Variants in ZMAT3 observed in about 807,000 individuals in gnomAD.
The protein encoded by ZMAT3 is zinc finger matrin-type protein 3.
A neutral mutation model predicts 32.3 loss-of-function variants in ZMAT3; 17 were observed. The ratio of observed to expected loss-of-function variants is 0.53; its 90% CI spans 0.36 to 0.79. The LOEUF (loss-of-function observed/expected upper bound fraction) is 0.79, where lower values mean the gene tolerates loss of function less well. ZMAT3 is among the 30% of genes least tolerant of loss of function. ZMAT3 has a pLI of 0.00. For missense variants in ZMAT3, 329 were observed against 359.7 expected (o/e 0.91, Z 0.69); for synonymous variants, 120 against 133.1 (o/e 0.90, Z 0.68).
chr3:179,064,264 A>G (rs1247754813), intron 2 of ZMAT3, among the ~76,000 whole-genome samples: 1 of 152,262 alleles, frequency 6.6e-6, no homozygotes, highest in Admixed American at 6.5e-5. Context: ...CATAACTGAA[A>G]TAATGAAGGT....
intron 2 of ZMAT3, among the ~76,000 whole-genome samples, chr3:179,063,795 T>C (rs1425938853): frequency 6.6e-6 from 1 of 152,228 alleles, no homozygotes; most frequent in Non-Finnish European, 1.5e-5. Context: ...GATTTTAAAT[T>C]AAGTTATATC....
At chr3:179,055,057 C>A (rs1243658644) in intron 2 of ZMAT3, among the ~76,000 whole-genome samples, 1 of 152,126 alleles carries the variant, frequency 6.6e-6, no homozygotes, top group Non-Finnish European at 1.5e-5. Flanking sequence ...TTGGAAGTGG[C>A]CCGCCGCCAT....
intron 3 of ZMAT3, among the ~76,000 whole-genome samples, chr3:179,028,452 A>C (rs566221909): frequency 6.6e-6 from 1 of 152,356 alleles, no homozygotes; most frequent in East Asian, 1.9e-4. Context: ...TTTTGGCCAG[A>C]AGAGAATAAT....
chr3:179,061,968 T>C (rs746344481), intron 2 of ZMAT3, among the ~76,000 whole-genome samples: 13 of 151,890 alleles, frequency 8.6e-5, no homozygotes, highest in Non-Finnish European at 1.8e-4. Flanking sequence ...CCAGCTCAAG[T>C]TGGGAGTCAG....
At position 179,033,591 on chromosome 3, in the gene ZMAT3, C is replaced by T. The variant is rs535490478; in HGVS notation, c.271-2592G>A. 8.0e-4 allele frequency among the ~76,000 whole-genome samples: 121 copies of T among 151,478 alleles called. 2 individuals are homozygous for T. The highest frequency in any genetic ancestry group is 3.4e-3 in the Middle Eastern group (1 of 294). On this transcript the variant is annotated intron_variant, in intron 2 of 5. Transcript: ENST00000311417. ...AAAGAAGTATCACATTTTCCAGTGACTTATGTCCTCACCCAACTTCTTGCC... is the reference window on the plus strand; with the variant it reads ...AAAGAAGTATCACATTTTCCAGTGATTTATGTCCTCACCCAACTTCTTGCC...
At chr3:179,041,761 C>T (rs1302789803) in intron 2 of ZMAT3, among the ~76,000 whole-genome samples, 2 of 151,594 alleles carry the variant, frequency 1.3e-5, no homozygotes, top group African/African-American at 2.4e-5. Context: ...GACAGACACA[C>T]AAAAATCCCT....
intron 2 of ZMAT3, among the ~76,000 whole-genome samples, chr3:179,037,114 C>T (rs909676191): frequency 6.6e-6 from 1 of 152,194 alleles, no homozygotes; most frequent in Non-Finnish European, 1.5e-5. Flanking sequence ...ATTCACTCTC[C>T]AGTGTCCATG....
At chr3:179,037,625 C>T (rs886367608) in intron 2 of ZMAT3, among the ~76,000 whole-genome samples, 2 of 152,142 alleles carry the variant, frequency 1.3e-5, no homozygotes, top group African/African-American at 2.4e-5. Flanking sequence ...GGAATCCTTA[C>T]ACTGCAACCC....
intron 2 of ZMAT3, among the ~76,000 whole-genome samples, chr3:179,051,740 A>G (rs1398865689): frequency 1.3e-5 from 2 of 152,202 alleles, no homozygotes; most frequent in East Asian, 1.9e-4. Flanking sequence ...AGCAAAAAGA[A>G]CAAATCTAGA....
At chr3:179,069,225 C>A (rs541237586) in intron 1 of ZMAT3, among the ~76,000 whole-genome samples, 1 of 152,124 alleles carries the variant, frequency 6.6e-6, no homozygotes, top group Non-Finnish European at 1.5e-5. Flanking sequence ...AATCTTGAGG[C>A]TATTTCCCTC....
intron 2 of ZMAT3, among the ~76,000 whole-genome samples, chr3:179,050,103 C>A (rs1157854752): frequency 1.3e-5 from 2 of 149,836 alleles, no homozygotes; most frequent in African/African-American, 4.9e-5. Context: ...CCAAACCCAG[C>A]AGAAGAAAAG....
At chr3:179,037,492 G>C (rs1394861649) in intron 2 of ZMAT3, among the ~76,000 whole-genome samples, 2 of 152,268 alleles carry the variant, frequency 1.3e-5, no homozygotes, top group Non-Finnish European at 2.9e-5. Flanking sequence ...GCAGGATCCA[G>C]GCCAAGGCAC....
rs1407681022 is a variant in ZMAT3, at chr3:179,024,280, A to G, written c.*737T>C. ...ATTTGCGCTTCAATGATGGGGAGAC[A>G]TGATACAGAAAAAAAAATGTCCTGG... On this transcript the variant is annotated 3_prime_UTR_variant, in exon 6 of 6. Transcript: ENST00000311417. 6.6e-6 allele frequency: 1 copy of G among 152,212 alleles called. No homozygotes were observed. Among genetic ancestry groups the G allele is most frequent in the East Asian group, 1.9e-4 (1 of 5,202 alleles). The allele number at this position is 152,212 out of a possible 1,614,324, so 9.4% of individuals were successfully genotyped here.
At chr3:179,039,790 G>C (rs1343749804) in intron 2 of ZMAT3, among the ~76,000 whole-genome samples, 1 of 152,176 alleles carries the variant, frequency 6.6e-6, no homozygotes, top group Non-Finnish European at 1.5e-5. Context: ...CCAAGCTAAA[G>C]GAGCATGTTC....
chr3:179,068,655 G>A (rs186360989), intron 1 of ZMAT3, among the ~76,000 whole-genome samples: 1 of 152,314 alleles, frequency 6.6e-6, no homozygotes, highest in Admixed American at 6.5e-5. Flanking sequence ...GGAACTCTAG[G>A]AGTAGCCTAA....
In ZMAT3 at chr3:179,022,503, G is replaced by C. The variant is rs1371884891; in HGVS notation, c.*2514C>G. 1 of 151,644 alleles carries C rather than the reference G, an allele frequency of 6.6e-6. No individual in the cohort carries two copies. Among genetic ancestry groups the C allele is most frequent in the African/African-American group, 2.4e-5 (1 of 41,242 alleles). 9.4% of individuals were successfully genotyped at this position (151,644 alleles called of 1,614,324 possible). On this transcript the variant is annotated 3_prime_UTR_variant, in exon 6 of 6. Coordinates refer to ENST00000311417, the MANE Select transcript of ZMAT3 (RefSeq NM_022470.4). ...TTTTTAGGTAATCATAGAACCAAGC[G>C]GCCAGCACTATAATGTTAAAATTAA...
intron 3 of ZMAT3, among the ~76,000 whole-genome samples, chr3:179,028,959 A>T (rs1719032669): frequency 6.6e-6 from 1 of 152,188 alleles, no homozygotes; most frequent in Non-Finnish European, 1.5e-5. Context: ...CAGGAGTTCA[A>T]GACCAGCCTG....
intron 2 of ZMAT3, among the ~76,000 whole-genome samples, chr3:179,065,593 T>C (rs1721367988): frequency 6.6e-6 from 1 of 152,182 alleles, no homozygotes; most frequent in Non-Finnish European, 1.5e-5. Flanking sequence ...CATGTTAAAA[T>C]TACACACTGC....
intron 2 of ZMAT3, among the ~76,000 whole-genome samples, chr3:179,047,446 G>A (rs1720301842): frequency 6.6e-6 from 1 of 152,176 alleles, no homozygotes; most frequent in East Asian, 1.9e-4. Context: ...ACAAAACAAG[G>A]TTCTTTAACA....
Sources: gnomAD v4.1 joint callset for allele counts (sites outside exome capture counted in the v4.1 genomes callset) on GRCh38, gnomAD v4.1.1 for gene constraint, MANE v1.5 for transcripts, NCBI Gene and HGNC (gene_info 2026-07-23, HGNC 2026-07-21) for gene names.